The following KDM5B variants were observed in gnomAD, a reference collection of about 807,000 sequenced individuals.
KDM5B encodes lysine demethylase 5B, also known as lysine-specific demethylase 5B.
Under a neutral mutation model 193.4 loss-of-function variants are expected in KDM5B, and 144 were observed. The ratio of observed to expected loss-of-function variants is 0.74; its 90% CI spans 0.65 to 0.86. The LOEUF is 0.86. KDM5B is among the 40% of genes least tolerant of loss of function. The pLI, the probability that KDM5B is intolerant of heterozygous loss-of-function variation, is 0.00. For missense variants in KDM5B, 1,833 were observed against 1,886.9 expected, an observed-to-expected ratio of 0.97 and a Z score of 0.53; for synonymous variants, 668 against 682.6, an observed-to-expected ratio of 0.98 and a Z score of 0.33.
chr1:202,790,444 G>T (rs940446343), intron 1 of KDM5B, among the ~76,000 whole-genome samples: 1 of 151,878 alleles, frequency 6.6e-6, no homozygotes, highest in Non-Finnish European at 1.5e-5. Context: ...ATTAGGCCAG[G>T]CACCATGGCT....
At chr1:202,731,758 A>G (rs975986689) in intron 24 of KDM5B, 70 bp downstream of exon 24, 2 of 1,137,332 alleles carry the variant, frequency 1.8e-6, no homozygotes, top group Non-Finnish European at 2.7e-6. Context: ...TTGATCATCT[A>G]TAATAAAAAC....
At chr1:202,760,327 A>G in intron 8 of KDM5B, 88 bp downstream of exon 8, 1 of 929,006 alleles carries the variant, frequency 1.1e-6, no homozygotes, top group Admixed American at 3.2e-5. Context: ...AAAAAATAAA[A>G]TAAAATAAAA....
At chr1:202,742,608 A>C (rs761687941) in intron 17 of KDM5B, 47 bp downstream of exon 17, 1 of 1,610,684 alleles carries the variant, frequency 6.2e-7, no homozygotes, top group Admixed American at 1.7e-5. Flanking sequence ...CAGGTTTCCA[A>C]ACATAGGTGC....
chr1:202,740,349 G>A (rs1241987453), intron 20 of KDM5B, among the ~76,000 whole-genome samples: 1 of 134,296 alleles, frequency 7.4e-6, no homozygotes, highest in Non-Finnish European at 1.7e-5. Context: ...GTGGCCGGCC[G>A]GGCGGGGGGC....
chr1:202,734,634 T>G (rs1655028752), intron 22 of KDM5B, among the ~76,000 whole-genome samples: 2 of 152,212 alleles, frequency 1.3e-5, no homozygotes, highest in Non-Finnish European at 2.9e-5. Context: ...CAGTTAGTCT[T>G]TATAAAAACA....
chr1:202,760,802 A>G lies in KDM5B; in HGVS notation c.919-229T>C, dbSNP rs1656216127. Among the ~76,000 whole-genome samples the G allele has an allele frequency of 2.0e-5, 3 of 152,288 alleles. No individual in the cohort carries two copies. The South Asian group carries it at 6.2e-4, about 32-fold the overall frequency. ...TAAAGTGGAATCTCCTAGCTTTCTCAACTGTCATGTGTTTAAAGTTTGTTA... is the reference window on the plus strand; with the variant it reads ...TAAAGTGGAATCTCCTAGCTTTCTCGACTGTCATGTGTTTAAAGTTTGTTA... On this transcript the variant is annotated intron_variant, in intron 7 of 26. Coordinates refer to ENST00000367265, the MANE Select transcript of KDM5B (RefSeq NM_006618.5).
rs974936271 is a variant in KDM5B at position 202,726,041 on chromosome 1, G to C, written c.*2995C>G. The C allele has an allele frequency of 1.3e-5, 2 of 152,168 alleles. No individual in the cohort carries two copies. Among genetic ancestry groups the C allele is most frequent in the African/African-American group, 2.4e-5 (1 of 41,436 alleles). The allele number at this position is 152,168 out of a possible 1,614,324, so 9.4% of individuals were successfully genotyped here. Reference sequence around the variant, plus strand: ...CTTCAGAGTACAACCCAAATCAGTAGAGAGCCATGTTTCACCCTCTTCCAG... The same window carrying C: ...CTTCAGAGTACAACCCAAATCAGTACAGAGCCATGTTTCACCCTCTTCCAG... On this transcript the variant is annotated 3_prime_UTR_variant, in exon 27 of 27. Coordinates refer to ENST00000367265, the MANE Select transcript of KDM5B (RefSeq NM_006618.5).
At chr1:202,752,333 GCTAT>G (rs1655821561) in intron 12 of KDM5B, among the ~76,000 whole-genome samples, 1 of 152,108 alleles carries the variant, frequency 6.6e-6, no homozygotes, top group Non-Finnish European at 1.5e-5. Context: ...TTGTGTTACA[GCTAT>G]CTAAGGTATT....
chr1:202,750,899 A>G (rs1655763897), intron 12 of KDM5B, 121 bp from the exon 13 acceptor site: 1 of 944,670 alleles, frequency 1.1e-6, no homozygotes, highest in Non-Finnish European at 1.6e-6. Context: ...AAATTGAGCC[A>G]GAAAAAACAA....
intron 4 of KDM5B, among the ~76,000 whole-genome samples, chr1:202,771,233 A>T (rs1330826541): frequency 1.3e-5 from 2 of 152,042 alleles, no homozygotes; most frequent in African/African-American, 4.8e-5. Flanking sequence ...TTATTTATTT[A>T]TTTTTTGAGA....
intron 2 of KDM5B, among the ~76,000 whole-genome samples, chr1:202,775,879 A>AAAATAT (rs1553358956): frequency 2.1e-5 from 2 of 93,200 alleles, no homozygotes; most frequent in Non-Finnish European, 3.8e-5. Context: ...AAAAAAAAAA[A>AAAATAT]ATATATATAT....
intron 1 of KDM5B, among the ~76,000 whole-genome samples, chr1:202,787,619 G>A (rs947181489): frequency 2.0e-5 from 3 of 152,052 alleles, no homozygotes; most frequent in Admixed American, 1.3e-4. Context: ...CGGGTGCGGT[G>A]GCTCACACCT....
Position 202,730,970 on chromosome 1 carries a change from G to A in KDM5B, c.4115C>T (p.Ala1372Val), listed in dbSNP as rs1654862537. Residue 1372 changes from alanine to valine, a missense_variant, in exon 25 of 27, where the codon GCA (alanine) becomes GTA (valine). Around this residue, in one of 3 missense-constraint regions of KDM5B, gnomAD observed 1,379 missense variants for 1,349.6 expected, o/e 1.02. Transcript: ENST00000367265. Reference protein sequence around the residue: ...EIQELYQTLLAKPSPAQQTDR... With the variant: ...EIQELYQTLLVKPSPAQQTDR... ...AGTCTGCTGAGCAGGGCTTGGCTTT[G>A]CAAGTAAAGTCTGGTAAAGTTCCTG... 1 of 1,613,866 alleles carries A rather than the reference G, an allele frequency of 6.2e-7. No homozygotes were observed. Among genetic ancestry groups the A allele is most frequent in the Non-Finnish European group, 8.5e-7 (1 of 1,179,850 alleles).
chr1:202,762,702 A>C lies in KDM5B; in HGVS notation c.915T>G (p.Asn305Lys). 6.5e-7 allele frequency: 1 copy of C among 1,550,116 alleles called. No homozygotes were observed. The highest frequency in any genetic ancestry group is 8.9e-7 in the Non-Finnish European group (1 of 1,121,814). The change falls in exon 7 of 27, where the codon AAT becomes AAG. Residue 305 changes from asparagine to lysine, a missense_variant. Transcript: ENST00000367265. ...GAGAAAGGGAGATGTCACTCACAGC[A>C]TTGGTGGCTTTTTTAGATCGACTCT... ...KPKSRSKKATNAVDLYVCLLC... is the reference protein window; with the variant it reads ...KPKSRSKKATKAVDLYVCLLC...
At chr1:202,745,224 T>TAC (rs2102240650) in intron 16 of KDM5B, among the ~76,000 whole-genome samples, 1 of 152,148 alleles carries the variant, frequency 6.6e-6, no homozygotes, top group African/African-American at 2.4e-5. Flanking sequence ...AACTAATGGG[T>TAC]ACTAAGCTTA....
chr1:202,775,017 G>A (rs751205655), intron 2 of KDM5B, among the ~76,000 whole-genome samples: 6 of 151,856 alleles, frequency 4.0e-5, no homozygotes, highest in East Asian at 3.9e-4. Context: ...TGAGGCGAGC[G>A]AATCACAAGG....
At chr1:202,804,022 T>A (rs559482684) in intron 1 of KDM5B, among the ~76,000 whole-genome samples, 1 of 151,830 alleles carries the variant, frequency 6.6e-6, no homozygotes, top group Admixed American at 6.6e-5. Flanking sequence ...ACATGGCACA[T>A]GTGTACATAT....
At chr1:202,808,052 C>A (rs1433476844) in intron 1 of KDM5B, 50 bp downstream of exon 1, 1 of 1,586,818 alleles carries the variant, frequency 6.3e-7, no homozygotes, top group Admixed American at 1.7e-5. Context: ...CGCGCGTCCC[C>A]GCTCCCTCCC....
Position 202,745,863 on chromosome 1 carries a change from T to C in KDM5B, c.2318A>G (p.Lys773Arg), listed in dbSNP as rs1558488318. The part of the protein sequence containing the change: ...NEALEAKINK[K>R]KSLVSFKALI... The stretch of plus-strand genomic sequence containing the variant: ...TCACTTTCTGTATCACATACTTTTC[T>C]TCTTGTTGATCTTTGCCTCCAAAGC... Residue 773 changes from lysine to arginine, a missense_variant, in exon 16 of 27, where the codon AAG becomes AGG. Lys to Arg is a conservative substitution (Grantham distance 26). Transcript: ENST00000367265. 3 of 1,613,898 alleles carry C rather than the reference T, an allele frequency of 1.9e-6. 1 individual carries two copies. The African/African-American group carries it at 4.0e-5, about 22-fold the overall frequency.
Sources: gnomAD v4.1 joint callset for allele counts (sites outside exome capture counted in the v4.1 genomes callset) on GRCh38, gnomAD v4.1.1 for gene constraint, gnomAD v4.1.1 regional missense constraint, MANE v1.5 for transcripts, NCBI Gene and HGNC (gene_info 2026-07-23, HGNC 2026-07-21) for gene names.